Variants in RRAD observed in about 807,000 individuals in gnomAD.
RRAD encodes the protein RRAD, Ras related glycolysis inhibitor and calcium channel regulator, also known as GTP-binding protein RAD.
In RRAD, 15 loss-of-function variants were observed where a neutral mutation model predicts 24.7. The ratio of observed to expected loss-of-function variants is 0.61; its 90% CI spans 0.41 to 0.93. The LOEUF (loss-of-function observed/expected upper bound fraction) is 0.93, where lower values mean the gene tolerates loss of function less well. RRAD is among the 40% of genes least tolerant of loss of function. The probability of loss-of-function intolerance (pLI) is 0.00; values close to 1 mark genes in which losing one functional copy is unlikely to be tolerated. For missense variants in RRAD, 438 were observed against 452.2 expected (o/e 0.97, Z 0.29); for synonymous variants, 180 against 189.8 (o/e 0.95, Z 0.43).
At position 66,921,862 on chromosome 16, in the gene RRAD, A is replaced by G. The variant is rs543006620; in HGVS notation, c.*214T>C. ...GCTTGGGACGCATATGAGCCTGCGC[A>G]TGCATCTCTGTGGGCCCAGCCCTCA... On this transcript the variant is annotated 3_prime_UTR_variant, in exon 5 of 5. Transcript: ENST00000299759. The G allele has an allele frequency of 3.1e-3, 1,688 of 553,090 alleles. 2 individuals carry two copies. The highest frequency in any genetic ancestry group is 4.3e-3 in the Non-Finnish European group (1,353 of 312,684). 34.3% of individuals were successfully genotyped at this position (553,090 alleles called of 1,614,324 possible).
At position 66,923,827 on chromosome 16, in the gene RRAD, G is replaced by A. The variant is rs976724157; in HGVS notation, c.444+19C>T. On this transcript the variant is annotated intron_variant, in intron 3 of 4. Transcript: ENST00000299759. This position sits in a 1 kb window ranked among gnomAD's most constrained non-coding sequence, Gnocchi z 4.9. ...CTCACTCCTCCCTCCCCTGCCCTGG[G>A]TCTCTGCTTGCACCCTACCTGCTCC... The A allele has an allele frequency of 1.9e-6, 3 of 1,612,792 alleles. No individual in the cohort carries two copies. Among genetic ancestry groups the A allele is most frequent in the African/African-American group, 2.7e-5 (2 of 74,802 alleles).
At position 66,922,066 on chromosome 16, in the gene RRAD, C is replaced by T. The variant is rs1962921740; in HGVS notation, c.*10G>A. 4 of 1,596,950 alleles carry T rather than the reference C, an allele frequency of 2.5e-6. No homozygotes were observed. Among genetic ancestry groups the T allele is most frequent in the South Asian group, 1.1e-5 (1 of 90,456 alleles). ...CGTTCGTCTCCCACCATAGTGGGAG[C>T]GGGTGGGACCTAGAGAACCGAGAGG... On this transcript the variant is annotated 3_prime_UTR_variant, in exon 5 of 5. Coordinates refer to ENST00000299759, the MANE Select transcript of RRAD (RefSeq NM_004165.3).
chr16:66,923,611 A>G lies in RRAD; in HGVS notation c.554T>C (p.Val185Ala), dbSNP rs770779878. 2.5e-6 allele frequency: 4 copies of G among 1,613,682 alleles called. No individual in the cohort carries two copies. The Admixed American group carries it at 5.0e-5, about 20-fold the overall frequency. ...TGTTTGCCGTGCACGCCGCAGCTGG[A>G]CCCGCAGTTCTGAGGCCTTCTCGAA... ...GSFEKASELR[V>A]QLRRARQTDD... is the part of the protein sequence containing the mutation. Residue 185 changes from valine (V) to alanine (A), a missense_variant, in exon 4 of 5, where the codon GTC becomes GCC. Transcript: ENST00000299759. The surrounding 1 kb of genome is among the most constrained non-coding windows in gnomAD (Gnocchi z 4.9).
Position 66,922,347 on chromosome 16 carries a change from C to G in RRAD, c.656G>C (p.Arg219Pro). Residue 219 changes from arginine (R) to proline (P), a missense_variant, in exon 5 of 5, where the codon CGG (arginine) becomes CCG (proline). Transcript: ENST00000299759. ...GCAGTCAAAGACCACCGCGCAGGCCCGGCCCTCTGTGTGGGTGGGGAAAGG... is the reference window on the plus strand; with the variant it reads ...GCAGTCAAAGACCACCGCGCAGGCCGGGCCCTCTGTGTGGGTGGGGAAAGG... ...RSREVSVDEG[R>P]ACAVVFDCKF... The G allele has an allele frequency of 1.3e-6, 2 of 1,586,792 alleles. No homozygotes were observed.
rs1185085393 is a variant in RRAD at position 66,923,951 on chromosome 16, CT to C, written c.371-33del. On this transcript the variant is annotated intron_variant, in intron 2 of 4. Coordinates refer to ENST00000299759, the MANE Select transcript of RRAD (RefSeq NM_004165.3). The surrounding 1 kb of genome is among the most constrained non-coding windows in gnomAD (Gnocchi z 4.9). ...AGAAGGCCAGTAGACAGGTTACCAGCTGGTTGTCAAAGCCGCTGCTGCCAGG... is the reference window on the plus strand; with the variant it reads ...AGAAGGCCAGTAGACAGGTTACCAGCGGTTGTCAAAGCCGCTGCTGCCAGG... The C allele has an allele frequency of 6.3e-7, 1 of 1,595,260 alleles. No homozygotes were observed. The highest frequency in any genetic ancestry group is 1.3e-5 in the African/African-American group (1 of 74,528).
Position 66,924,699 on chromosome 16 carries a change from T to TAATAACAAC in RRAD, c.370+110_370+111insGTTGTTATT, listed in dbSNP as rs111919092. 1 of 662,238 alleles carries TAATAACAAC rather than the reference T, an allele frequency of 1.5e-6. No individual in the cohort carries two copies. Among genetic ancestry groups the TAATAACAAC allele is most frequent in the Non-Finnish European group, 2.1e-6 (1 of 487,548 alleles). The allele number at this position is 662,238 out of a possible 1,614,324, so 41.0% of individuals were successfully genotyped here. Reference sequence around the variant, plus strand: ...AATAAAATAATAATAATAATAATAATAACAACAACAACAACTATAATTCCA... The same window carrying TAATAACAAC: ...AATAAAATAATAATAATAATAATAATAATAACAACAACAACAACAACAACTATAATTCCA... On this transcript the variant is annotated intron_variant, in intron 2 of 4. Transcript: ENST00000299759. The surrounding 1 kb of genome is among the most constrained non-coding windows in gnomAD (Gnocchi z 4.2).
In RRAD at chr16:66,923,010, C is replaced by G. The variant is rs1045029503; in HGVS notation, c.649+506G>C. Among the ~76,000 whole-genome samples, 8 of 152,280 alleles carry G rather than the reference C, an allele frequency of 5.3e-5. No homozygotes were observed. The highest frequency in any genetic ancestry group is 7.4e-5 in the Non-Finnish European group (5 of 68,022). ...CCGCACAACTTAGTATTTTTTAATT[C>G]GAGGTTATATCATGATGAATGATCC... On this transcript the variant is annotated intron_variant, in intron 4 of 4. Transcript: ENST00000299759. The surrounding 1 kb of genome is among the most constrained non-coding windows in gnomAD (Gnocchi z 4.9).
Position 66,925,153 on chromosome 16 carries a change from T to C in RRAD, c.27A>G (p.Gly9=). 2 of 1,229,028 alleles carry C rather than the reference T, an allele frequency of 1.6e-6. No homozygotes were observed. The highest frequency in any genetic ancestry group is 2.0e-6 in the Non-Finnish European group (2 of 986,478). 76.1% of individuals were successfully genotyped at this position (1,229,028 alleles called of 1,614,324 possible). Residue 9 remains glycine (G), a synonymous_variant, in exon 2 of 5, where the codon GGA becomes GGG. Transcript: ENST00000299759. The surrounding 1 kb of genome is among the most constrained non-coding windows in gnomAD (Gnocchi z 5.2). Reference sequence around the variant, plus strand: ...GGCCCCCACCGCGGCTCCCGCCCGCTCCGCTGCCGCCGCCGTTCAGGGTCA... The same window carrying C: ...GGCCCCCACCGCGGCTCCCGCCCGCCCCGCTGCCGCCGCCGTTCAGGGTCA... The part of the protein sequence containing the change: MTLNGGGS[G]AGGSRGGGQE...
Position 66,923,559 on chromosome 16 carries a change from G to C in RRAD, c.606C>G (p.Gly202=), listed in dbSNP as rs1962947854. The C allele has an allele frequency of 1.2e-6, 2 of 1,609,890 alleles. No homozygotes were observed. The highest frequency in any genetic ancestry group is 2.7e-5 in the African/African-American group (2 of 74,084). The change falls in exon 4 of 5, where the codon GGC becomes GGG. Residue 202 remains glycine, a synonymous_variant. Coordinates refer to ENST00000299759, the MANE Select transcript of RRAD (RefSeq NM_004165.3). This position sits in a 1 kb window ranked among gnomAD's most constrained non-coding sequence, Gnocchi z 4.9. Reference sequence around the variant, plus strand: ...GAGAGCGCACCAGGTCGCTCTTGTTGCCCACGAGGATGATGGGCACATCAT... The same window carrying C: ...GAGAGCGCACCAGGTCGCTCTTGTTCCCCACGAGGATGATGGGCACATCAT... ...QTDDVPIILV[G]NKSDLVRSRE...
At position 66,922,257 on chromosome 16, in the gene RRAD, C is replaced by T; in HGVS notation, c.746G>A (p.Arg249His). ...GCTGTCCCTGCGCAGGCGTATCTGGCGCACGACACCTTCAAACAGCGCCTG... is the reference window on the plus strand; with the variant it reads ...GCTGTCCCTGCGCAGGCGTATCTGGTGCACGACACCTTCAAACAGCGCCTG... ...NVQALFEGVVRQIRLRRDSKE... is the reference protein window; with the variant it reads ...NVQALFEGVVHQIRLRRDSKE... The change falls in exon 5 of 5, where the codon CGC (arginine) becomes CAC (histidine). Residue 249 changes from arginine to histidine, a missense_variant. Coordinates refer to ENST00000299759, the MANE Select transcript of RRAD (RefSeq NM_004165.3). The T allele has an allele frequency of 5.6e-6, 9 of 1,614,072 alleles. No individual in the cohort carries two copies. The highest frequency in any genetic ancestry group is 2.2e-5 in the South Asian group (2 of 91,090).
Position 66,925,040 on chromosome 16 carries a change from A to T in RRAD, c.140T>A (p.Leu47Gln), listed in dbSNP as rs569186578. 189 of 1,347,974 alleles carry T rather than the reference A, an allele frequency of 1.4e-4. No homozygotes were observed. Among genetic ancestry groups the T allele is most frequent in the South Asian group, 4.7e-4 (26 of 55,110 alleles). 83.5% of individuals were successfully genotyped at this position (1,347,974 alleles called of 1,614,324 possible). The change falls in exon 2 of 5, where the codon CTG becomes CAG. Residue 47 changes from leucine to glutamine, a missense_variant. Leu to Gln is a moderately radical substitution (Grantham distance 113). Transcript: ENST00000299759. This position sits in a 1 kb window ranked among gnomAD's most constrained non-coding sequence, Gnocchi z 5.2. Reference protein sequence around the residue: ...RRSMPVDERDLQAALTPGALT... With the variant: ...RRSMPVDERDQQAALTPGALT... ...GGCACCCGGGGTCAGCGCCGCCTGC[A>T]GGTCGCGCTCGTCCACCGGCATGCT...
In RRAD at chr16:66,921,784, A is replaced by G; in HGVS notation, c.*292T>C. The G allele has an allele frequency of 2.7e-6, 1 of 367,978 alleles. No homozygotes were observed. The highest frequency in any genetic ancestry group is 4.3e-5 in the East Asian group (1 of 23,002). 22.8% of individuals were successfully genotyped at this position (367,978 alleles called of 1,614,324 possible). A position where few individuals can be genotyped will look rare whatever the true frequency, so the allele number is the denominator to read the frequency against. On this transcript the variant is annotated 3_prime_UTR_variant, in exon 5 of 5. Transcript: ENST00000299759. ...GGCAGGCACACCCGGGCTGTGAAAA[A>G]AGGCAGAGTCCTCTCCCGGCACGCA... is the stretch of plus-strand genomic sequence containing the variant.
Position 66,923,660 on chromosome 16 carries a change from A to T in RRAD, c.505T>A (p.Tyr169Asn). The change falls in exon 4 of 5, where the codon TAC becomes AAC. Residue 169 changes from tyrosine (Y) to asparagine (N), a missense_variant. Physicochemically the swap from Tyr to Asn is moderately radical, Grantham distance 143. Transcript: ENST00000299759. The surrounding 1 kb of genome is among the most constrained non-coding windows in gnomAD (Gnocchi z 4.9). ...AAGCTGCCCTTGTCCGTCACTGAGT[A>T]CACAATGACATAGGCATCCCCCATG... ...MAMGDAYVIV[Y>N]SVTDKGSFEK... 1.2e-6 allele frequency: 2 copies of T among 1,614,164 alleles called. No individual in the cohort carries two copies. Among genetic ancestry groups the T allele is most frequent in the Non-Finnish European group, 1.7e-6 (2 of 1,180,036 alleles).
Position 66,925,488 on chromosome 16 carries a change from G to T in RRAD, c.-95C>A. The T allele has an allele frequency of 4.4e-6, 1 of 229,302 alleles. No individual in the cohort carries two copies. 14.2% of individuals were successfully genotyped at this position (229,302 alleles called of 1,614,324 possible). On this transcript the variant is annotated 5_prime_UTR_variant, in exon 1 of 5. Transcript: ENST00000299759. This position sits in a 1 kb window ranked among gnomAD's most constrained non-coding sequence, Gnocchi z 5.2. ...TCGTAGTCCGGACTCGGACTTTAGG[G>T]TTTCCGCCGCCGCTGCTGCTGCAGC... is the stretch of plus-strand genomic sequence containing the variant.
rs1049543710 is a variant in RRAD, at chr16:66,925,122, G to C, written c.58C>G (p.Arg20Gly). The C allele has an allele frequency of 1.6e-6, 2 of 1,226,292 alleles. No homozygotes were observed. The highest frequency in any genetic ancestry group is 2.0e-6 in the Non-Finnish European group (2 of 984,908). The allele number at this position is 1,226,292 out of a possible 1,614,324, so 76.0% of individuals were successfully genotyped here. ...GGTGTGCTGCCCCGACGGCGCTCGCGCTCCTGGCCCCCACCGCGGCTCCCG... is the reference window on the plus strand; with the variant it reads ...GGTGTGCTGCCCCGACGGCGCTCGCCCTCCTGGCCCCCACCGCGGCTCCCG... Reference protein sequence around the residue: ...AGGSRGGGQERERRRGSTPWG... With the variant: ...AGGSRGGGQEGERRRGSTPWG... Residue 20 changes from arginine to glycine, a missense_variant, in exon 2 of 5, where the codon CGC becomes GGC. Transcript: ENST00000299759. The surrounding 1 kb of genome is among the most constrained non-coding windows in gnomAD (Gnocchi z 5.2).
intron 4 of RRAD, among the ~76,000 whole-genome samples, chr16:66,922,973 CT>C (rs1310199347): frequency 1.3e-5 from 2 of 152,232 alleles, no homozygotes; most frequent in African/African-American, 2.4e-5. Context: ...TAGCCACCCC[CT>C]GGCCCATGCC....
chr16:66,924,714 C>A lies in RRAD; in HGVS notation c.370+96G>T. 1 of 867,720 alleles carries A rather than the reference C, an allele frequency of 1.2e-6. No individual in the cohort carries two copies. Among genetic ancestry groups the A allele is most frequent in the Non-Finnish European group, 1.6e-6 (1 of 641,622 alleles). The allele number at this position is 867,720 out of a possible 1,614,324, so 53.8% of individuals were successfully genotyped here. ...ATAATAATAATAACAACAACAACAA[C>A]TATAATTCCACGGTATTTGCGGCTT... On this transcript the variant is annotated intron_variant, in intron 2 of 4. Transcript: ENST00000299759. The surrounding 1 kb of genome is among the most constrained non-coding windows in gnomAD (Gnocchi z 4.2).
In RRAD at chr16:66,923,735, A is replaced by G; in HGVS notation, c.445-15T>C. The G allele has an allele frequency of 1.2e-6, 2 of 1,613,792 alleles. No homozygotes were observed. Among genetic ancestry groups the G allele is most frequent in the Non-Finnish European group, 1.7e-6 (2 of 1,179,846 alleles). ...CGGCCCCCGTCCTGGAGAACACACA[A>G]CACACATCTGCCCAACAGTCCTCAT... is the stretch of plus-strand genomic sequence containing the variant. On this transcript the variant is annotated splice_polypyrimidine_tract_variant and intron_variant, in intron 3 of 4. Coordinates refer to ENST00000299759, the MANE Select transcript of RRAD (RefSeq NM_004165.3). The surrounding 1 kb of genome is among the most constrained non-coding windows in gnomAD (Gnocchi z 4.9).
At position 66,925,515 on chromosome 16, in the gene RRAD, A is replaced by C; in HGVS notation, c.-122T>G. The C allele has an allele frequency of 5.3e-6, 1 of 188,434 alleles. No individual in the cohort carries two copies. The highest frequency in any genetic ancestry group is 1.1e-5 in the Non-Finnish European group (1 of 92,098). The allele number at this position is 188,434 out of a possible 1,614,324, so 11.7% of individuals were successfully genotyped here. On this transcript the variant is annotated 5_prime_UTR_variant, in exon 1 of 5. Coordinates refer to ENST00000299759, the MANE Select transcript of RRAD (RefSeq NM_004165.3). The surrounding 1 kb of genome is among the most constrained non-coding windows in gnomAD (Gnocchi z 5.2). ...TTCCGCCGCCGCTGCTGCTGCAGCC[A>C]CCGCCTTCTCAGCCCGCACTGGGCT...
Sources: allele counts gnomAD v4.1 joint callset (sites outside exome capture counted in the v4.1 genomes callset), GRCh38; gene constraint gnomAD v4.1.1; non-coding constraint Gnocchi (gnomAD v3.1); transcripts MANE v1.5; gene names NCBI Gene and HGNC (gene_info 2026-07-23, HGNC 2026-07-21).